Variants in SGIP1 observed in about 807,000 individuals in gnomAD.
The protein encoded by SGIP1 is SH3-containing GRB2-like protein 3-interacting protein 1.
SGIP1 carries 38 observed loss-of-function variants against 107.5 expected under a neutral mutation model. That is an observed-to-expected ratio of 0.35 (90% CI 0.27 to 0.46). The LOEUF (loss-of-function observed/expected upper bound fraction) is 0.46. SGIP1 is among the 20% of genes least tolerant of loss of function. The pLI, the probability that SGIP1 is intolerant of heterozygous loss-of-function variation, is 1.00. For synonymous variants in SGIP1, 365 were observed against 366.1 expected (o/e 1.00, Z 0.03); for missense variants, 929 against 1,019.5 (o/e 0.91, Z 1.21).
At chr1:66,576,933 C>T (rs1164000029) in intron 1 of SGIP1, among the ~76,000 whole-genome samples, 2 of 152,192 alleles carry the variant, frequency 1.3e-5, no homozygotes, top group African/African-American at 4.8e-5. Flanking sequence ...CTCAGGGTGG[C>T]AGCTTCAGCT....
intron 8 of SGIP1, among the ~76,000 whole-genome samples, chr1:66,663,434 C>A (rs1157569038): frequency 6.6e-6 from 1 of 152,040 alleles, no homozygotes; most frequent in Non-Finnish European, 1.5e-5. Flanking sequence ...AAATTGTGAA[C>A]AGGAAAAGAC....
At chr1:66,634,738 C>A (rs527445753) in intron 3 of SGIP1, among the ~76,000 whole-genome samples, 4 of 152,168 alleles carry the variant, frequency 2.6e-5, no homozygotes, top group Non-Finnish European at 5.9e-5. Context: ...GAAAAGGCTA[C>A]GTTCAAAATA....
intron 13 of SGIP1, among the ~76,000 whole-genome samples, chr1:66,677,997 G>A (rs886381830): frequency 2.0e-5 from 3 of 152,168 alleles, no homozygotes; most frequent in African/African-American, 7.2e-5. Context: ...GAGGTTGTTT[G>A]TTGGAAATAT....
intron 1 of SGIP1, among the ~76,000 whole-genome samples, chr1:66,540,778 G>A (rs922327000): frequency 6.6e-6 from 1 of 152,184 alleles, no homozygotes; most frequent in Admixed American, 6.5e-5. Flanking sequence ...TCAGACTTGA[G>A]TTTGAGTCTA....
At chr1:66,544,560 G>A (rs371504622) in intron 1 of SGIP1, among the ~76,000 whole-genome samples, 60 of 152,064 alleles carry the variant, frequency 3.9e-4, no homozygotes, top group African/African-American at 1.2e-3. Flanking sequence ...ATGGTGGTGC[G>A]CACCTGTACT....
intron 19 of SGIP1, among the ~76,000 whole-genome samples, chr1:66,721,410 TTTTTA>T (rs535340296): frequency 1.2e-3 from 177 of 152,168 alleles, no homozygotes; most frequent in African/African-American, 4.0e-3. Context: ...TCCTTCTATG[TTTTTA>T]TTTTATTTTT....
chr1:66,616,634 T>C (rs1340491072), intron 1 of SGIP1, among the ~76,000 whole-genome samples: 2 of 152,206 alleles, frequency 1.3e-5, no homozygotes, highest in East Asian at 1.9e-4. Flanking sequence ...TGGATCTTTG[T>C]ACAGTTCTTA....
intron 1 of SGIP1, among the ~76,000 whole-genome samples, chr1:66,597,169 T>A (rs950737324): frequency 5.3e-5 from 8 of 152,238 alleles, no homozygotes; most frequent in Non-Finnish European, 4.4e-5. Context: ...GTACTAAGCC[T>A]AGTACCCAAT....
chr1:66,537,850 A>C (rs1176538801), intron 1 of SGIP1, among the ~76,000 whole-genome samples: 1 of 152,044 alleles, frequency 6.6e-6, no homozygotes, highest in Non-Finnish European at 1.5e-5. Flanking sequence ...AAAATGGTGG[A>C]GTGAAATTTG....
chr1:66,540,035 A>G (rs1378268132), intron 1 of SGIP1, among the ~76,000 whole-genome samples: 1 of 152,228 alleles, frequency 6.6e-6, no homozygotes, highest in Non-Finnish European at 1.5e-5. Flanking sequence ...GAACAAAACT[A>G]GATATAAATG....
chr1:66,712,025 C>T (rs1187098257), intron 18 of SGIP1, among the ~76,000 whole-genome samples: 4 of 152,134 alleles, frequency 2.6e-5, no homozygotes, highest in Admixed American at 2.0e-4. Context: ...CCCTCCTAGA[C>T]TCCTTATTGC....
chr1:66,750,616 T>A lies in SGIP1; in HGVS notation c.*7521T>A, dbSNP rs2094610586. Among the ~76,000 whole-genome samples, 1 of 152,228 alleles carries A rather than the reference T, an allele frequency of 6.6e-6. No individual in the cohort carries two copies. Among genetic ancestry groups the A allele is most frequent in the South Asian group, 2.1e-4 (1 of 4,836 alleles). On this transcript the variant is annotated 3_prime_UTR_variant, in exon 25 of 25. Transcript: ENST00000371037. The stretch of plus-strand genomic sequence containing the variant: ...GTGAATTAAAATACTCAAGATACTT[T>A]CAAAATTTAGTCAAAATGTTGATTC...
intron 11 of SGIP1, 77 bp downstream of exon 11, chr1:66,672,072 C>A: frequency 1.5e-6 from 2 of 1,366,068 alleles, no homozygotes; most frequent in Non-Finnish European, 2.1e-6. Context: ...CTCCTTTGAG[C>A]TAAACTCTCA....
Position 66,683,700 on chromosome 1 carries a change from C to CTTTTTTTTTTTTTTTTTTTTTTT in SGIP1, c.1315+1337_1315+1359dup, listed in dbSNP as rs869266510. 3.1e-4 allele frequency among the ~76,000 whole-genome samples: 19 copies of CTTTTTTTTTTTTTTTTTTTTTTT among 61,392 alleles called. 2 individuals are homozygous for CTTTTTTTTTTTTTTTTTTTTTTT. In the East Asian group the frequency reaches 3.3e-3, roughly 11 times the overall value. 40.3% of individuals were successfully genotyped at this position (61,392 alleles called of 152,430 possible). A position where few individuals can be genotyped will look rare whatever the true frequency, so the allele number is the denominator to read the frequency against. ...ACCACACTGTTTGTTTGTTTCTTTT[C>CTTTTTTTTTTTTTTTTTTTTTTT]TTTTTTTTTTTTTTTTTTTTTTTTT... On this transcript the variant is annotated intron_variant, in intron 15 of 24. Coordinates refer to ENST00000371037, the MANE Select transcript of SGIP1 (RefSeq NM_032291.4).
At chr1:66,634,228 C>G (rs1350095053) in intron 3 of SGIP1, 3 of 1,276,398 alleles carry the variant, frequency 2.4e-6, no homozygotes, top group Admixed American at 3.9e-5. Flanking sequence ...TTCTCTGGTC[C>G]CCTCTGACCT....
intron 2 of SGIP1, among the ~76,000 whole-genome samples, chr1:66,631,681 T>TTTC (rs2074742521): frequency 7.6e-6 from 1 of 132,164 alleles, no homozygotes; most frequent in African/African-American, 2.8e-5. Flanking sequence ...CTCTCTCTCT[T>TTTC]TCTCTCTCTC....
chr1:66,608,920 A>G (rs1181757539), intron 1 of SGIP1, among the ~76,000 whole-genome samples: 1 of 149,316 alleles, frequency 6.7e-6, no homozygotes, highest in African/African-American at 2.5e-5. Context: ...TAGATTAGCA[A>G]GTAAGTATTT....
At position 66,631,091 on chromosome 1, in the gene SGIP1, GAAAGAAAGAAAA is replaced by G. The variant is rs1177913525; in HGVS notation, c.75-1969_75-1958del. 5.6e-4 allele frequency among the ~76,000 whole-genome samples: 77 copies of G among 137,940 alleles called. 2 individuals carry two copies. Among genetic ancestry groups the G allele is most frequent in the Non-Finnish European group, 8.7e-4 (54 of 62,396 alleles). 90.5% of individuals were successfully genotyped at this position (137,940 alleles called of 152,430 possible). ...AGAAAGAAAGAAAGAAAGAAAGAAA[GAAAGAAAGAAAA>G]AAAGAAAGACTGACTCAGTATATAG... On this transcript the variant is annotated intron_variant, in intron 2 of 24. Transcript: ENST00000371037.
chr1:66,534,032 T>G (rs1570911723), upstream of SGIP1: 9 of 407,536 alleles, frequency 2.2e-5, no homozygotes, highest in Middle Eastern at 6.6e-4. Context: ...TCTCCGGGGG[T>G]ATTGTGTCAG....
Sources: gnomAD v4.1 joint callset for allele counts (sites outside exome capture counted in the v4.1 genomes callset) on GRCh38, gnomAD v4.1.1 for gene constraint, MANE v1.5 for transcripts, NCBI Gene and HGNC (gene_info 2026-07-23, HGNC 2026-07-21) for gene names.